Variants in PTPN13 observed in about 807,000 individuals in gnomAD.
PTPN13 encodes tyrosine-protein phosphatase non-receptor type 13.
In PTPN13, 191 loss-of-function variants were observed where a neutral mutation model predicts 284.0. The ratio of observed to expected loss-of-function variants is 0.67; its 90% CI spans 0.60 to 0.76. The LOEUF is 0.76. Among genes scored for constraint, PTPN13 ranks in the 30% least tolerant of loss-of-function variants. The pLI is 0.00. For missense variants in PTPN13, 2,797 were observed against 2,939.9 expected (o/e 0.95, Z 1.12); for synonymous variants, 986 against 1,022.3 (o/e 0.96, Z 0.68).
intron 44 of PTPN13, among the ~76,000 whole-genome samples, chr4:86,805,637 G>A (rs188349422): frequency 8.5e-5 from 13 of 152,150 alleles, no homozygotes; most frequent in African/African-American, 2.2e-4. Flanking sequence ...GAAATTAGTC[G>A]GTGATGCCAA....
intron 2 of PTPN13, among the ~76,000 whole-genome samples, chr4:86,646,993 T>G (rs769608246): frequency 2.6e-5 from 4 of 152,196 alleles, no homozygotes; most frequent in Non-Finnish European, 4.4e-5. Context: ...GATTCTAATC[T>G]AAAATTCTAA....
At chr4:86,802,914 A>G (rs1278913239) in intron 42 of PTPN13, among the ~76,000 whole-genome samples, 2 of 151,416 alleles carry the variant, frequency 1.3e-5, no homozygotes, top group African/African-American at 4.9e-5. Flanking sequence ...TCTACAAAAA[A>G]ATACAAAAAA....
At chr4:86,664,067 A>T (rs956163927) in intron 2 of PTPN13, among the ~76,000 whole-genome samples, 6 of 152,156 alleles carry the variant, frequency 3.9e-5, no homozygotes, top group African/African-American at 1.2e-4. Flanking sequence ...TGGTACACAT[A>T]TTGGAATCTC....
chr4:86,782,279 C>A lies in PTPN13; in HGVS notation c.6024+17C>A, dbSNP rs369485937. ...TTCTCCACGGTAAGAAAAAGCCCAC[C>A]CTCTTTCATGTCATACCTCCTTATC... On this transcript the variant is annotated intron_variant, in intron 37 of 47. Coordinates refer to ENST00000411767, the MANE Select transcript of PTPN13 (RefSeq NM_080683.3). 6.3e-7 allele frequency: 1 copy of A among 1,579,822 alleles called. No homozygotes were observed. The highest frequency in any genetic ancestry group is 8.7e-7 in the Non-Finnish European group (1 of 1,148,880).
intron 1 of PTPN13, among the ~76,000 whole-genome samples, chr4:86,613,006 A>C (rs1720095721): frequency 1.3e-5 from 2 of 152,224 alleles, no homozygotes; most frequent in South Asian, 4.1e-4. Context: ...AATGATACCA[A>C]ATGGATTTAC....
chr4:86,599,601 C>G (rs929561286), intron 1 of PTPN13, among the ~76,000 whole-genome samples: 2 of 151,514 alleles, frequency 1.3e-5, no homozygotes, highest in Non-Finnish European at 3.0e-5. Context: ...CACAGAAAGT[C>G]CTGTACTGCT....
Position 86,745,055 on chromosome 4 carries a change from C to A in PTPN13, c.2577C>A (p.His859Gln). The part of the protein sequence containing the change: ...DNSKICQYLL[H>Q]LCSYQHKFQL... ...GTAAGATATGCCAGTACCTGCTGCACCTCTGCTCTTACCAGCATAAGTTCC... is the reference window on the plus strand; with the variant it reads ...GTAAGATATGCCAGTACCTGCTGCAACTCTGCTCTTACCAGCATAAGTTCC... Residue 859 changes from histidine (H) to glutamine (Q), a missense_variant, in exon 17 of 48, where the codon CAC becomes CAA. By Grantham distance (24) the His-to-Gln change is conservative. Transcript: ENST00000411767. 6.2e-7 allele frequency: 1 copy of A among 1,611,700 alleles called. No homozygotes were observed. The highest frequency in any genetic ancestry group is 8.5e-7 in the Non-Finnish European group (1 of 1,178,954).
chr4:86,778,411 C>T (rs778805245), intron 35 of PTPN13, among the ~76,000 whole-genome samples: 2 of 152,210 alleles, frequency 1.3e-5, no homozygotes, highest in South Asian at 2.1e-4. Flanking sequence ...GTCAGTTCCA[C>T]GTCTTCCAAG....
In PTPN13 at chr4:86,811,115, C is replaced by A; in HGVS notation, c.7362+7C>A. 1 of 1,608,122 alleles carries A rather than the reference C, an allele frequency of 6.2e-7. No homozygotes were observed. Among genetic ancestry groups the A allele is most frequent in the South Asian group, 1.1e-5 (1 of 90,176 alleles). On this transcript the variant is annotated splice_region_variant and intron_variant, in intron 47 of 47. Coordinates refer to ENST00000411767, the MANE Select transcript of PTPN13 (RefSeq NM_080683.3). The stretch of plus-strand genomic sequence containing the variant: ...CGGAATGGTTCAGACAGAGGTGAGT[C>A]ATGGCTGGGCCTCCTAATGAGAATT...
intron 2 of PTPN13, among the ~76,000 whole-genome samples, chr4:86,638,864 A>G (rs1489533367): frequency 4.6e-5 from 7 of 152,210 alleles, no homozygotes; most frequent in Admixed American, 3.3e-4. Context: ...TCTGCACAGC[A>G]AAAGAAACTA....
intron 15 of PTPN13, among the ~76,000 whole-genome samples, chr4:86,739,034 T>C (rs577589070): frequency 6.6e-6 from 1 of 152,344 alleles, no homozygotes; most frequent in South Asian, 2.1e-4. Context: ...CCAATTTTTT[T>C]TATTTTCTAG....
chr4:86,811,237 G>A (rs1745187868), intron 47 of PTPN13, 129 bp downstream of exon 47: 3 of 748,486 alleles, frequency 4.0e-6, no homozygotes, highest in Admixed American at 3.5e-5. Flanking sequence ...ATTTACTGCA[G>A]TGAGGGGCAT....
rs201581281 is a variant in PTPN13, at chr4:86,785,904, G to C, written c.6313G>C (p.Asp2105His). ...AGAGAGAACAGAAGATACAGACTGCGATGGTTCACCTTTACCTGAGTATTT... is the reference window on the plus strand; with the variant it reads ...AGAGAGAACAGAAGATACAGACTGCCATGGTTCACCTTTACCTGAGTATTT... ...SEERTEDTDC[D>H]GSPLPEYFTE... Residue 2105 changes from aspartate to histidine, a missense_variant, in exon 40 of 48, where the codon GAT becomes CAT. Physicochemically the swap from Asp to His is moderately conservative, Grantham distance 81. Transcript: ENST00000411767. 4.5e-6 allele frequency: 7 copies of C among 1,563,854 alleles called. No individual in the cohort carries two copies. The highest frequency in any genetic ancestry group is 6.1e-6 in the Non-Finnish European group (7 of 1,152,292).
At chr4:86,759,152 T>G in intron 23 of PTPN13, 79 bp downstream of exon 23, 2 of 1,434,148 alleles carry the variant, frequency 1.4e-6, no homozygotes, top group Non-Finnish European at 1.9e-6. Context: ...CGCACAAAAA[T>G]GGATTCATTG....
Position 86,664,071 on chromosome 4 carries a change from G to A in PTPN13, c.116-8294G>A, listed in dbSNP as rs202081000. ...GTAGGATAGGTTGGTACACATATTG[G>A]AATCTCCAGGAAACTTTTTAAAAAT... On this transcript the variant is annotated intron_variant, in intron 2 of 47. Coordinates refer to ENST00000411767, the MANE Select transcript of PTPN13 (RefSeq NM_080683.3). Among the ~76,000 whole-genome samples, 9 of 152,110 alleles carry A rather than the reference G, an allele frequency of 5.9e-5. No individual in the cohort carries two copies. In the East Asian group the frequency reaches 1.7e-3, roughly 29 times the overall value.
chr4:86,647,258 G>A (rs1240516224), intron 2 of PTPN13, among the ~76,000 whole-genome samples: 5 of 152,046 alleles, frequency 3.3e-5, no homozygotes, highest in African/African-American at 7.2e-5. Context: ...TCTGCTTAAC[G>A]AAAAGGAATA....
At chr4:86,658,899 AAAAG>A (rs1274535572) in intron 2 of PTPN13, among the ~76,000 whole-genome samples, 2 of 152,206 alleles carry the variant, frequency 1.3e-5, no homozygotes, top group African/African-American at 4.8e-5. Context: ...GTCAGAGAGA[AAAAG>A]AAAGCTGAAT....
At chr4:86,710,867 A>G (rs1465608218) in intron 7 of PTPN13, among the ~76,000 whole-genome samples, 2 of 152,168 alleles carry the variant, frequency 1.3e-5, no homozygotes, top group East Asian at 1.9e-4. Flanking sequence ...ATGAAAGGAC[A>G]TCTTCTAATG....
At chr4:86,662,356 G>A (rs1194943054) in intron 2 of PTPN13, among the ~76,000 whole-genome samples, 2 of 151,812 alleles carry the variant, frequency 1.3e-5, no homozygotes, top group Non-Finnish European at 2.9e-5. Flanking sequence ...TATTTGAGAC[G>A]GAGTCTCACT....
Sources: allele counts gnomAD v4.1 joint callset (sites outside exome capture counted in the v4.1 genomes callset), GRCh38; gene constraint gnomAD v4.1.1; transcripts MANE v1.5; gene names NCBI Gene and HGNC (gene_info 2026-07-23, HGNC 2026-07-21).